Variants in SLC39A11 observed in about 807,000 individuals in gnomAD.
SLC39A11 encodes solute carrier family 39 member 11.
In SLC39A11, 33 loss-of-function variants were observed where a neutral mutation model predicts 36.1. That is an observed-to-expected ratio of 0.91 (90% CI 0.69 to 1.22). SLC39A11 has a LOEUF of 1.22. SLC39A11 is among the 50% of genes most tolerant of loss of function. The probability of loss-of-function intolerance (pLI) is 0.00; values close to 1 mark genes in which losing one functional copy is unlikely to be tolerated. For synonymous variants in SLC39A11, 166 were observed against 170.3 expected (o/e 0.97, Z 0.20); for missense variants, 432 against 430.3 (o/e 1.00, Z -0.03).
At chr17:72,965,574 C>T (rs1418431889) in intron 4 of SLC39A11, among the ~76,000 whole-genome samples, 3 of 152,136 alleles carry the variant, frequency 2.0e-5, no homozygotes, top group South Asian at 2.1e-4. Flanking sequence ...GTTTTGAGCA[C>T]GTTTAAGGTA....
At chr17:72,829,585 C>T (rs766895807) in intron 6 of SLC39A11, among the ~76,000 whole-genome samples, 1 of 152,160 alleles carries the variant, frequency 6.6e-6, no homozygotes, top group African/African-American at 2.4e-5. Context: ...GAGAAGAAAA[C>T]AAACATGCCG....
intron 4 of SLC39A11, among the ~76,000 whole-genome samples, chr17:72,960,694 G>A (rs1467411189): frequency 6.6e-6 from 1 of 152,108 alleles, no homozygotes; most frequent in Admixed American, 6.5e-5. Flanking sequence ...GCATATCTCT[G>A]TGGTCCCAGC....
At chr17:72,978,803 C>T (rs140922248) in intron 4 of SLC39A11, among the ~76,000 whole-genome samples, 2 of 152,146 alleles carry the variant, frequency 1.3e-5, no homozygotes, top group African/African-American at 2.4e-5. Context: ...TTCATGAGAA[C>T]GAAAGGAAAC....
chr17:72,675,711 T>A (rs1190000494), intron 7 of SLC39A11, among the ~76,000 whole-genome samples: 1 of 151,840 alleles, frequency 6.6e-6, no homozygotes, highest in Non-Finnish European at 1.5e-5. Flanking sequence ...AAGATGGTGT[T>A]TCACTCTTGT....
intron 4 of SLC39A11, among the ~76,000 whole-genome samples, chr17:72,953,952 T>C (rs947045183): frequency 2.6e-5 from 4 of 152,234 alleles, no homozygotes; most frequent in Non-Finnish European, 5.9e-5. Context: ...GGGGGAGCTC[T>C]GTTCATTTTG....
intron 4 of SLC39A11, among the ~76,000 whole-genome samples, chr17:73,011,462 TG>T (rs2148503339): frequency 6.6e-6 from 1 of 152,024 alleles, no homozygotes; most frequent in South Asian, 2.1e-4. Context: ...ACAACCTGCG[TG>T]GGATACTCTG....
At chr17:73,059,065 A>G (rs1179483899) in intron 3 of SLC39A11, among the ~76,000 whole-genome samples, 1 of 152,234 alleles carries the variant, frequency 6.6e-6, no homozygotes, top group Non-Finnish European at 1.5e-5. Flanking sequence ...TTAAAGTAAT[A>G]GATATTTATA....
rs1044574686 is a variant in SLC39A11, at chr17:72,781,817, A to G, written c.602-45098T>C. Among the ~76,000 whole-genome samples the G allele has an allele frequency of 9.2e-5, 14 of 151,940 alleles. 1 individual carries two copies. The highest frequency in any genetic ancestry group is 6.2e-4 in the South Asian group (3 of 4,808). On this transcript the variant is annotated intron_variant, in intron 6 of 9. Transcript: ENST00000255559. ...AAAAAGAGCAGATGCAAGACGCTTTAATTTTTAAATAACAGACTCTCGGTA... is the reference window on the plus strand; with the variant it reads ...AAAAAGAGCAGATGCAAGACGCTTTGATTTTTAAATAACAGACTCTCGGTA...
rs8070932 is a variant in SLC39A11 at position 72,800,614 on chromosome 17, T to C, written c.601+49020A>G. On this transcript the variant is annotated intron_variant, in intron 6 of 9. Coordinates refer to ENST00000255559, the MANE Select transcript of SLC39A11 (RefSeq NM_139177.4). The stretch of plus-strand genomic sequence containing the variant: ...CATGAGCCATTGTGCCTGGCTGACT[T>C]AGAAGAATTTTAAAGCAGCCAAGAG... Among the ~76,000 whole-genome samples the C allele has an allele frequency of 6.2e-3, 949 of 152,156 alleles. 12 individuals are homozygous for C. Among genetic ancestry groups the C allele is most frequent in the African/African-American group, 0.022 (909 of 41,508 alleles).
chr17:72,903,480 G>T (rs1249986952), intron 5 of SLC39A11, among the ~76,000 whole-genome samples: 1 of 152,044 alleles, frequency 6.6e-6, no homozygotes, highest in African/African-American at 2.4e-5. Context: ...AGTTGCTCAC[G>T]CTCTGTAGTG....
chr17:72,994,457 A>G (rs568174544), intron 4 of SLC39A11, among the ~76,000 whole-genome samples: 1 of 152,346 alleles, frequency 6.6e-6, no homozygotes, highest in African/African-American at 2.4e-5. Flanking sequence ...CTTAGCAGCA[A>G]GTAGCAACAG....
intron 5 of SLC39A11, among the ~76,000 whole-genome samples, chr17:72,922,397 A>G (rs942313245): frequency 6.6e-6 from 1 of 152,368 alleles, no homozygotes; most frequent in South Asian, 2.1e-4. Flanking sequence ...ACTTAGGAAC[A>G]AAAGGTGCAT....
intron 3 of SLC39A11, among the ~76,000 whole-genome samples, chr17:73,034,528 TTC>T (rs2058841469): frequency 6.6e-6 from 1 of 152,196 alleles, no homozygotes; most frequent in African/African-American, 2.4e-5. Context: ...GGCCCAATTC[TTC>T]TTTTTAAACC....
chr17:72,965,951 A>T (rs1327382803), intron 4 of SLC39A11, among the ~76,000 whole-genome samples: 1 of 152,214 alleles, frequency 6.6e-6, no homozygotes, highest in African/African-American at 2.4e-5. Context: ...AAATTTCTAG[A>T]AAAAAAGACA....
intron 5 of SLC39A11, among the ~76,000 whole-genome samples, chr17:72,924,658 G>A (rs1357557089): frequency 6.6e-6 from 1 of 152,120 alleles, no homozygotes; most frequent in East Asian, 1.9e-4. Context: ...TTTTTCAGGT[G>A]TGTCCGAACA....
chr17:73,087,198 A>G (rs2060762672), intron 2 of SLC39A11, among the ~76,000 whole-genome samples: 1 of 152,140 alleles, frequency 6.6e-6, no homozygotes, highest in African/African-American at 2.4e-5. Context: ...TTGGCATCTT[A>G]TATACCTAGG....
At chr17:72,777,500 C>T (rs116026078) in intron 6 of SLC39A11, among the ~76,000 whole-genome samples, 283 of 152,158 alleles carry the variant, frequency 1.9e-3, no homozygotes, top group African/African-American at 6.3e-3. Flanking sequence ...CTATAAAAAA[C>T]GAAAACCGAA....
At chr17:72,897,073 A>AGAAAAACAG (rs2082072728) in intron 5 of SLC39A11, among the ~76,000 whole-genome samples, 1 of 147,624 alleles carries the variant, frequency 6.8e-6, no homozygotes, top group Non-Finnish European at 1.5e-5. Context: ...AAAAAAAAAC[A>AGAAAAACAG]AACAGAAAAA....
intron 6 of SLC39A11, among the ~76,000 whole-genome samples, chr17:72,753,142 G>A (rs1237023731): frequency 6.6e-6 from 1 of 152,218 alleles, no homozygotes; most frequent in Non-Finnish European, 1.5e-5. Context: ...ACAGGCATGA[G>A]CCACTGCTTG....
Sources: allele counts gnomAD v4.1 joint callset (sites outside exome capture counted in the v4.1 genomes callset), GRCh38; gene constraint gnomAD v4.1.1; transcripts MANE v1.5; gene names NCBI Gene and HGNC (gene_info 2026-07-23, HGNC 2026-07-21).